TDRD10: variants seen among roughly 807,000 people sequenced by gnomAD.
TDRD10 encodes the protein tudor domain containing 10.
In TDRD10, 40 loss-of-function variants were observed where a neutral mutation model predicts 48.0. That is an observed-to-expected ratio of 0.83 (90% CI 0.65 to 1.09). TDRD10 has a LOEUF of 1.09. Among genes scored for constraint, TDRD10 ranks in the 50% least tolerant of loss-of-function variants. The pLI, the probability that TDRD10 is intolerant of heterozygous loss-of-function variation, is 0.00. For missense variants in TDRD10, 378 were observed against 434.7 expected (o/e 0.87, Z 1.16); for synonymous variants, 162 against 170.4 (o/e 0.95, Z 0.38).
chr1:154,514,375 C>A (rs571148222), intron 4 of TDRD10, among the ~76,000 whole-genome samples: 2 of 152,046 alleles, frequency 1.3e-5, no homozygotes, highest in Non-Finnish European at 2.9e-5. Flanking sequence ...GAGAAAATGC[C>A]TCTTTGAGGA....
chr1:154,524,692 T>TTTG (rs1325144973), intron 6 of TDRD10, among the ~76,000 whole-genome samples: 1 of 152,202 alleles, frequency 6.6e-6, no homozygotes, highest in African/African-American at 2.4e-5. Flanking sequence ...AGACTTGGCT[T>TTTG]TTGTAGGGTC....
chr1:154,532,496 C>G (rs1694688541), intron 6 of TDRD10, among the ~76,000 whole-genome samples: 1 of 152,196 alleles, frequency 6.6e-6, no homozygotes, highest in African/African-American at 2.4e-5. Context: ...CAGCTCTGGC[C>G]TCGGCCAGCC....
At chr1:154,515,425 A>T (rs552206491) in intron 4 of TDRD10, among the ~76,000 whole-genome samples, 1 of 152,164 alleles carries the variant, frequency 6.6e-6, no homozygotes, top group African/African-American at 2.4e-5. Context: ...TTCCCTTCTT[A>T]TTTAGGAAGA....
intron 10 of TDRD10, 51 bp from the exon 11 acceptor site, chr1:154,544,744 A>G (rs745469529): frequency 1.9e-6 from 3 of 1,595,174 alleles, no homozygotes; most frequent in Non-Finnish European, 2.6e-6. Context: ...ACTGCTGTGC[A>G]TGGCACTAGG....
intron 6 of TDRD10, among the ~76,000 whole-genome samples, chr1:154,539,453 C>T (rs539384449): frequency 4.3e-4 from 65 of 152,296 alleles, no homozygotes; most frequent in Non-Finnish European, 7.6e-4. Context: ...CAGGCACCCG[C>T]CACCACGGCC....
chr1:154,542,077 G>A lies in TDRD10; in HGVS notation c.412+11G>A, dbSNP rs1695272236. ...TTGGCAAAACCGCCGGTGAGATTCT[G>A]CGCTGCCATCCTTTCCCAGGATGTG... is the stretch of plus-strand genomic sequence containing the variant. On this transcript the variant is annotated intron_variant, in intron 7 of 12. Coordinates refer to ENST00000368482, the MANE Select transcript of TDRD10 (RefSeq NM_182499.4). 1 of 1,613,742 alleles carries A rather than the reference G, an allele frequency of 6.2e-7. No homozygotes were observed. The highest frequency in any genetic ancestry group is 1.1e-5 in the South Asian group (1 of 90,980).
chr1:154,523,023 C>A (rs1694135917), intron 6 of TDRD10, among the ~76,000 whole-genome samples: 1 of 152,168 alleles, frequency 6.6e-6, no homozygotes, highest in Non-Finnish European at 1.5e-5. Context: ...TCAAGGGATT[C>A]TCCCACCTCA....
chr1:154,520,761 A>G (rs1479201595), intron 5 of TDRD10, among the ~76,000 whole-genome samples: 2 of 152,192 alleles, frequency 1.3e-5, no homozygotes, highest in Non-Finnish European at 1.5e-5. Flanking sequence ...TGTTTGAGAC[A>G]GGGTCTTGCT....
intron 6 of TDRD10, among the ~76,000 whole-genome samples, chr1:154,540,881 A>G (rs1303527569): frequency 6.6e-6 from 1 of 152,202 alleles, no homozygotes; most frequent in Admixed American, 6.5e-5. Context: ...ATGTGATGCC[A>G]AGAGATGCGT....
At chr1:154,534,418 A>G (rs761026641) in intron 6 of TDRD10, 3 of 152,232 alleles carry the variant, frequency 2.0e-5, no homozygotes, top group Admixed American at 6.5e-5. Context: ...CCAGGCTGCA[A>G]CTTTCCCGTT....
chr1:154,515,013 G>A (rs111600849), intron 4 of TDRD10, among the ~76,000 whole-genome samples: 27,782 of 151,602 alleles, frequency 0.18, 2,899 homozygotes, highest in South Asian at 0.23. Flanking sequence ...GGTTACAGAC[G>A]TGCACTACCA....
chr1:154,530,996 G>A (rs558258226), intron 6 of TDRD10, among the ~76,000 whole-genome samples: 12 of 151,366 alleles, frequency 7.9e-5, no homozygotes, highest in Non-Finnish European at 1.2e-4. Context: ...CTGCCACCAC[G>A]CCCAACTAAT....
intron 6 of TDRD10, among the ~76,000 whole-genome samples, chr1:154,531,421 T>C (rs1416295782): frequency 2.0e-5 from 3 of 152,170 alleles, no homozygotes; most frequent in Non-Finnish European, 2.9e-5. Flanking sequence ...CCTTCTGATG[T>C]TCGGATGTGT....
intron 4 of TDRD10, among the ~76,000 whole-genome samples, chr1:154,508,884 G>C (rs1355607420): frequency 1.3e-5 from 2 of 152,172 alleles, no homozygotes; most frequent in African/African-American, 4.8e-5. Context: ...AGCTGGTTCA[G>C]TCAGTGCTGT....
At chr1:154,508,332 T>G in intron 3 of TDRD10, 91 bp from the exon 4 acceptor site, 2 of 883,448 alleles carry the variant, frequency 2.3e-6, no homozygotes, top group Non-Finnish European at 3.8e-6. Flanking sequence ...CTGGGCAACA[T>G]AGAGAGACCC....
intron 2 of TDRD10, 94 bp from the exon 3 acceptor site, chr1:154,507,147 G>T: frequency 6.4e-7 from 1 of 1,569,954 alleles, no homozygotes; most frequent in Non-Finnish European, 8.7e-7. Context: ...GGGGAATGGA[G>T]GTTTATGCAA....
chr1:154,506,311 C>G (rs1413163873), intron 1 of TDRD10, among the ~76,000 whole-genome samples: 1 of 152,046 alleles, frequency 6.6e-6, no homozygotes, highest in African/African-American at 2.4e-5. Context: ...ATCTTCAAAG[C>G]TAACAACAGT....
chr1:154,526,203 C>CAA (rs58688953), intron 6 of TDRD10, among the ~76,000 whole-genome samples: 27 of 110,396 alleles, frequency 2.4e-4, no homozygotes, highest in East Asian at 5.4e-4. Context: ...GACTTCATCT[C>CAA]AAAAAAAAAA....
At chr1:154,529,701 A>G (rs1557826746) in intron 6 of TDRD10, among the ~76,000 whole-genome samples, 1 of 151,508 alleles carries the variant, frequency 6.6e-6, no homozygotes, top group Non-Finnish European at 1.5e-5. Flanking sequence ...GCCCACCACC[A>G]CACCGGCTAA....
Sources: gnomAD v4.1 joint callset for allele counts (sites outside exome capture counted in the v4.1 genomes callset) on GRCh38, gnomAD v4.1.1 for gene constraint, MANE v1.5 for transcripts, NCBI Gene and HGNC (gene_info 2026-07-23, HGNC 2026-07-21) for gene names.